The following SRPK1 variants were observed in gnomAD, a reference collection of about 807,000 sequenced individuals.
The protein encoded by SRPK1 is SRSF protein kinase 1.
A neutral mutation model predicts 89.5 loss-of-function variants in SRPK1; 52 were observed. That is an observed-to-expected ratio of 0.58 (90% CI 0.46 to 0.73). SRPK1 has a LOEUF of 0.73. Among genes scored for constraint, SRPK1 ranks in the 30% least tolerant of loss-of-function variants. SRPK1 has a pLI of 0.00. For synonymous variants in SRPK1, 255 were observed against 270.2 expected, an observed-to-expected ratio of 0.94 and a Z score of 0.55; for missense variants, 603 against 780.6, an observed-to-expected ratio of 0.77 and a Z score of 2.71.
chr6:35,898,552 A>G (rs1770672000), intron 2 of SRPK1, among the ~76,000 whole-genome samples: 2 of 152,158 alleles, frequency 1.3e-5, no homozygotes, highest in Admixed American at 6.5e-5. Flanking sequence ...ATGTATTACT[A>G]TATTTTTTAC....
intron 11 of SRPK1, 77 bp from the exon 12 acceptor site, chr6:35,869,187 G>A: frequency 1.6e-6 from 2 of 1,256,360 alleles, no homozygotes; most frequent in Middle Eastern, 1.9e-4. Flanking sequence ...GCTCTCCAAG[G>A]TAAGAGTAAT....
chr6:35,911,391 A>G (rs1307257311), intron 2 of SRPK1, among the ~76,000 whole-genome samples: 1 of 151,926 alleles, frequency 6.6e-6, no homozygotes, highest in African/African-American at 2.4e-5. Context: ...TAAAACTTGA[A>G]CAGATGAGGA....
At chr6:35,873,303 A>G (rs1016081814) in intron 7 of SRPK1, among the ~76,000 whole-genome samples, 1 of 152,214 alleles carries the variant, frequency 6.6e-6, no homozygotes, top group African/African-American at 2.4e-5. Flanking sequence ...CTATTCATGT[A>G]AAATTACTAT....
chr6:35,867,325 G>T lies in SRPK1; in HGVS notation c.1512+1685C>A, dbSNP rs77801091. ...TGGAGTAATTCTAATTACTTGGAAA[G>T]CTGCTCCACATTCTTATTAGTCAGT... On this transcript the variant is annotated intron_variant, in intron 12 of 15. Transcript: ENST00000373825. Among the ~76,000 whole-genome samples, 390 of 152,254 alleles carry T rather than the reference G, an allele frequency of 2.6e-3. 3 individuals are homozygous for T. Among genetic ancestry groups the T allele is most frequent in the Non-Finnish European group, 5.0e-3 (339 of 68,022 alleles).
chr6:35,865,788 A>G (rs960079092), intron 12 of SRPK1, among the ~76,000 whole-genome samples: 3 of 152,178 alleles, frequency 2.0e-5, no homozygotes, highest in Non-Finnish European at 4.4e-5. Flanking sequence ...ACAAAAATCA[A>G]CCCAAGACCA....
intron 15 of SRPK1, 54 bp from the exon 16 acceptor site, chr6:35,835,542 G>A: frequency 6.6e-7 from 1 of 1,507,350 alleles, no homozygotes; most frequent in Non-Finnish European, 8.9e-7. Context: ...CAAATGACAA[G>A]GTACTCTTGT....
At chr6:35,881,426 CATATAG>C (rs56083624) in intron 6 of SRPK1, among the ~76,000 whole-genome samples, 46,977 of 146,718 alleles carry the variant, frequency 0.32, 7,583 homozygotes, top group East Asian at 0.39. Context: ...GTAGAATACA[CATATAG>C]ATATAGATAT....
chr6:35,855,684 G>T (rs1485442588), intron 13 of SRPK1, among the ~76,000 whole-genome samples: 2 of 152,062 alleles, frequency 1.3e-5, no homozygotes, highest in Non-Finnish European at 2.9e-5. Context: ...ATCCATGGTG[G>T]GTCCCTTGGA....
intron 2 of SRPK1, among the ~76,000 whole-genome samples, chr6:35,918,689 A>G (rs1562001740): frequency 6.6e-6 from 1 of 152,240 alleles, no homozygotes; most frequent in Admixed American, 6.5e-5. Flanking sequence ...CTGCTAGATT[A>G]TCTATAATCC....
intron 13 of SRPK1, 179 bp downstream of exon 13, chr6:35,857,082 T>C: frequency 1.9e-6 from 1 of 522,918 alleles, no homozygotes; most frequent in Non-Finnish European, 3.4e-6. Flanking sequence ...AGTAACCAAA[T>C]GAAATGCCAG....
chr6:35,920,905 TG>T, intron 1 of SRPK1, 138 bp downstream of exon 1: 2 of 899,916 alleles, frequency 2.2e-6, no homozygotes, highest in Non-Finnish European at 3.2e-6. Context: ...GCAGGGGGTG[TG>T]GGGCGGCGCC....
At chr6:35,845,105 A>T (rs1304641001) in intron 13 of SRPK1, among the ~76,000 whole-genome samples, 2 of 152,206 alleles carry the variant, frequency 1.3e-5, no homozygotes, top group Non-Finnish European at 2.9e-5. Flanking sequence ...GACAATAAAA[A>T]TATCAGTGGT....
chr6:35,839,298 G>C (rs1275426789), intron 14 of SRPK1, among the ~76,000 whole-genome samples: 1 of 152,202 alleles, frequency 6.6e-6, no homozygotes, highest in African/African-American at 2.4e-5. Context: ...TTACAGGCCT[G>C]AGCCACCACC....
In SRPK1 at chr6:35,835,473, A is replaced by G. The variant is rs539500451; in HGVS notation, c.1799T>C (p.Ile600Thr). Residue 600 changes from isoleucine (I) to threonine (T), a missense_variant, in exon 16 of 16, where the codon ATC (isoleucine) becomes ACC (threonine). Coordinates refer to ENST00000373825, the MANE Select transcript of SRPK1 (RefSeq NM_003137.5). ...AAGGCCCCAAGGTTTCAGCTTCGTG[A>G]TATGTTTCAGGTCACCTGCAGTGAA... ...FFTKKGDLKH[I>T]TKLKPWGLFE... The G allele has an allele frequency of 5.0e-6, 8 of 1,612,762 alleles. No homozygotes were observed. The highest frequency in any genetic ancestry group is 2.7e-5 in the African/African-American group (2 of 75,018).
chr6:35,919,349 C>T (rs1264619065), intron 2 of SRPK1, among the ~76,000 whole-genome samples: 4 of 152,062 alleles, frequency 2.6e-5, no homozygotes, highest in African/African-American at 9.7e-5. Flanking sequence ...AGTAGGTAGC[C>T]TCCAAAAACA....
At chr6:35,846,829 C>T (rs1369877474) in intron 13 of SRPK1, among the ~76,000 whole-genome samples, 1 of 152,158 alleles carries the variant, frequency 6.6e-6, no homozygotes, top group African/African-American at 2.4e-5. Flanking sequence ...CTGAATTCTA[C>T]CAAACATATA....
chr6:35,886,841 C>T (rs1160862130), intron 5 of SRPK1, 30 bp from the exon 6 acceptor site: 9 of 1,305,900 alleles, frequency 6.9e-6, no homozygotes, highest in Non-Finnish European at 1.0e-5. Flanking sequence ...GTGTTTAGCA[C>T]AAGGTAAAGC....
intron 15 of SRPK1, 34 bp from the exon 16 acceptor site, chr6:35,835,522 TCAA>T: frequency 6.4e-7 from 1 of 1,571,004 alleles, no homozygotes; most frequent in Non-Finnish European, 8.6e-7. Context: ...AAGCCACTGA[TCAA>T]CACAGACAAA....
chr6:35,887,208 T>C lies in SRPK1; in HGVS notation c.391-397A>G, dbSNP rs546304775. Among the ~76,000 whole-genome samples the C allele has an allele frequency of 5.9e-5, 9 of 152,274 alleles. No homozygotes were observed. In the South Asian group the frequency reaches 6.2e-4, roughly 11 times the overall value. On this transcript the variant is annotated intron_variant, in intron 5 of 15. Transcript: ENST00000373825. ...AACTTTCTCAATGAAGAAAACAGTA[T>C]GTTGATTTACTTTTGGGTAGGTACA...
Sources: gnomAD v4.1 joint callset for allele counts (sites outside exome capture counted in the v4.1 genomes callset) on GRCh38, gnomAD v4.1.1 for gene constraint, MANE v1.5 for transcripts, NCBI Gene and HGNC (gene_info 2026-07-23, HGNC 2026-07-21) for gene names.